PARD6B: variants seen among roughly 807,000 people sequenced by gnomAD.
PARD6B encodes the protein par-6 family cell polarity regulator beta.
A neutral mutation model predicts 10.5 loss-of-function variants in PARD6B; 4 were observed. That is an observed-to-expected ratio of 0.38 (90% CI 0.19 to 0.87). The LOEUF is 0.87. Among genes scored for constraint, PARD6B ranks in the 40% least tolerant of loss-of-function variants. The pLI, the probability that PARD6B is intolerant of heterozygous loss-of-function variation, is 0.41. For missense variants in PARD6B, 396 were observed against 470.6 expected (o/e 0.84, Z 1.47); for synonymous variants, 169 against 170.4 (o/e 0.99, Z 0.07).
chr20:50,753,559 T>C lies in PARD6B; in HGVS notation c.*3071T>C, dbSNP rs540237901. The C allele has an allele frequency of 6.8e-6, 6 of 877,342 alleles. No individual in the cohort carries two copies. The South Asian group carries it at 2.1e-4, about 31-fold the overall frequency. The allele number at this position is 877,342 out of a possible 1,614,324, so 54.3% of individuals were successfully genotyped here. ...AGCTATGAATTTTCTAATTAAATTT[T>C]ACATGCTATAACATGATTTTTACAT... is the stretch of plus-strand genomic sequence containing the variant. On this transcript the variant is annotated 3_prime_UTR_variant, in exon 3 of 3. Coordinates refer to ENST00000371610, the MANE Select transcript of PARD6B (RefSeq NM_032521.3).
chr20:50,739,444 A>T (rs985005244), intron 2 of PARD6B, among the ~76,000 whole-genome samples: 4 of 152,022 alleles, frequency 2.6e-5, no homozygotes, highest in South Asian at 2.1e-4. Flanking sequence ...CCTCAAAAAA[A>T]TTTTTTTGAA....
chr20:50,741,468 G>A (rs1015141286), intron 2 of PARD6B, among the ~76,000 whole-genome samples: 1 of 152,090 alleles, frequency 6.6e-6, no homozygotes, highest in Non-Finnish European at 1.5e-5. Context: ...TTAAGAATAT[G>A]TTAACTTGTT....
intron 2 of PARD6B, among the ~76,000 whole-genome samples, chr20:50,743,055 A>G (rs548281231): frequency 6.6e-6 from 1 of 152,300 alleles, no homozygotes; most frequent in Non-Finnish European, 1.5e-5. Flanking sequence ...TTCTGCTCTC[A>G]TTGTTGAGGT....
At chr20:50,738,200 T>G in intron 2 of PARD6B, 121 bp downstream of exon 2, 1 of 621,442 alleles carries the variant, frequency 1.6e-6, no homozygotes. Flanking sequence ...AATCTTCTTA[T>G]GTTAACTAAC....
chr20:50,751,182 T>C lies in PARD6B; in HGVS notation c.*694T>C. 1.3e-6 allele frequency: 1 copy of C among 798,710 alleles called. No individual in the cohort carries two copies. The highest frequency in any genetic ancestry group is 1.5e-6 in the Non-Finnish European group (1 of 660,718). 49.5% of individuals were successfully genotyped at this position (798,710 alleles called of 1,614,324 possible). A position where few individuals can be genotyped will look rare whatever the true frequency, so the allele number is the denominator to read the frequency against. The stretch of plus-strand genomic sequence containing the variant: ...ACAGGGTTTCGCCATGTTGCCCAAG[T>C]TGGTCTTGAACTCCTGGGCTTAAGC... On this transcript the variant is annotated 3_prime_UTR_variant, in exon 3 of 3. Coordinates refer to ENST00000371610, the MANE Select transcript of PARD6B (RefSeq NM_032521.3).
intron 2 of PARD6B, among the ~76,000 whole-genome samples, chr20:50,745,805 C>T (rs189049341): frequency 6.6e-6 from 1 of 152,266 alleles, no homozygotes; most frequent in African/African-American, 2.4e-5. Context: ...TCATGCCTGG[C>T]CACATAATAT....
intron 1 of PARD6B, among the ~76,000 whole-genome samples, chr20:50,734,062 C>G (rs114537881): frequency 6.6e-6 from 1 of 152,144 alleles, no homozygotes; most frequent in Admixed American, 6.5e-5. Context: ...TACACTGATT[C>G]TAGGAACATG....
At position 50,750,477 on chromosome 20, in the gene PARD6B, A is replaced by G. The variant is rs184193885; in HGVS notation, c.1108A>G (p.Ile370Val). Residue 370 changes from isoleucine to valine, a missense_variant, in exon 3 of 3, where the codon ATA becomes GTA. This residue lies in a region of PARD6B where 188 missense variants were observed against 169.7 expected (regional missense o/e 1.11). Coordinates refer to ENST00000371610, the MANE Select transcript of PARD6B (RefSeq NM_032521.3). ...ACTCTTAGAAGAAGATGGAACAATCATAACATTATGAAACCGTGGTTTGAA... is the reference window on the plus strand; with the variant it reads ...ACTCTTAGAAGAAGATGGAACAATCGTAACATTATGAAACCGTGGTTTGAA... ...QKLLEEDGTIITL is the reference protein window; with the variant it reads ...QKLLEEDGTIVTL 3.1e-6 allele frequency: 5 copies of G among 1,611,764 alleles called. No homozygotes were observed. The East Asian group carries it at 1.1e-4, about 36-fold the overall frequency.
intron 1 of PARD6B, among the ~76,000 whole-genome samples, chr20:50,734,342 A>G (rs1177631809): frequency 2.0e-5 from 3 of 151,980 alleles, no homozygotes; most frequent in African/African-American, 7.2e-5. Context: ...AAAACTAGGT[A>G]GTGTGCCGGT....
At position 50,750,440 on chromosome 20, in the gene PARD6B, T is replaced by C. The variant is rs1160147180; in HGVS notation, c.1071T>C (p.Ala357=). ...SSSNTEFETH[A]PDQKLLEEDG... is the part of the protein sequence containing the mutation. ...CAAACACGGAATTTGAAACACATGC[T>C]CCAGATCAAAAACTCTTAGAAGAAG... is the stretch of plus-strand genomic sequence containing the variant. Residue 357 remains alanine, a synonymous_variant, in exon 3 of 3, where the codon GCT becomes GCC. Coordinates refer to ENST00000371610, the MANE Select transcript of PARD6B (RefSeq NM_032521.3). The C allele has an allele frequency of 1.2e-6, 2 of 1,613,904 alleles. No individual in the cohort carries two copies. The highest frequency in any genetic ancestry group is 1.7e-6 in the Non-Finnish European group (2 of 1,180,010).
rs1568999536 is a variant in PARD6B at position 50,750,988 on chromosome 20, G to GTTTTTTTTTTTTTTTTTTTTT, written c.*501_*502insTTTTTTTTTTTTTTTTTTTTT. ...TTTTTTTTTTTTTTTTTTTTTTTTA[G>GTTTTTTTTTTTTTTTTTTTTT]TGACTGGGTCTCACTCTGTTGCCCA... On this transcript the variant is annotated 3_prime_UTR_variant, in exon 3 of 3. Coordinates refer to ENST00000371610, the MANE Select transcript of PARD6B (RefSeq NM_032521.3). 2 of 312,232 alleles carry GTTTTTTTTTTTTTTTTTTTTT rather than the reference G, an allele frequency of 6.4e-6. No individual in the cohort carries two copies. The highest frequency in any genetic ancestry group is 7.4e-6 in the Non-Finnish European group (2 of 271,004). The allele number at this position is 312,232 out of a possible 1,614,324, so 19.3% of individuals were successfully genotyped here. A position where few individuals can be genotyped will look rare whatever the true frequency, so the allele number is the denominator to read the frequency against.
chr20:50,738,086 A>G lies in PARD6B; in HGVS notation c.289+7A>G. The G allele has an allele frequency of 1.3e-6, 2 of 1,556,820 alleles. No individual in the cohort carries two copies. Among genetic ancestry groups the G allele is most frequent in the Non-Finnish European group, 1.7e-6 (2 of 1,147,248 alleles). On this transcript the variant is annotated splice_region_variant and intron_variant, in intron 2 of 2. Coordinates refer to ENST00000371610, the MANE Select transcript of PARD6B (RefSeq NM_032521.3). ...ATATTTATACAAAAGAAGGGTAAGT[A>G]TCACTGTTTAGAAAAATTGTGTTAG...
In PARD6B at chr20:50,741,788, C is replaced by T. The variant is rs186642327; in HGVS notation, c.289+3709C>T. ...GTCTCGATCTCCTGACTTCGTGATC[C>T]GCCCGTCTCGGCCTCCCAAAGTGCT... On this transcript the variant is annotated intron_variant, in intron 2 of 2. Transcript: ENST00000371610. 2.0e-3 allele frequency among the ~76,000 whole-genome samples: 297 copies of T among 152,142 alleles called. 4 individuals are homozygous for T. In the East Asian group the frequency reaches 0.023, roughly 12 times the overall value.
intron 2 of PARD6B, among the ~76,000 whole-genome samples, chr20:50,740,416 C>A (rs2087524775): frequency 6.6e-6 from 1 of 152,110 alleles, no homozygotes; most frequent in South Asian, 2.1e-4. Context: ...GTTGGATTAT[C>A]CCCTTTGGTA....
Position 50,752,378 on chromosome 20 carries a change from C to T in PARD6B, c.*1890C>T. 2 of 985,558 alleles carry T rather than the reference C, an allele frequency of 2.0e-6. No individual in the cohort carries two copies. Among genetic ancestry groups the T allele is most frequent in the Non-Finnish European group, 2.4e-6 (2 of 829,888 alleles). 61.1% of individuals were successfully genotyped at this position (985,558 alleles called of 1,614,324 possible). On this transcript the variant is annotated 3_prime_UTR_variant, in exon 3 of 3. Coordinates refer to ENST00000371610, the MANE Select transcript of PARD6B (RefSeq NM_032521.3). ...TTCCTTCATGGGATTTCTAGAAACACTGCCTACACTTTATGAAAACTACAT... is the reference window on the plus strand; with the variant it reads ...TTCCTTCATGGGATTTCTAGAAACATTGCCTACACTTTATGAAAACTACAT...
At chr20:50,746,670 G>C (rs1023776759) in intron 2 of PARD6B, among the ~76,000 whole-genome samples, 5 of 152,150 alleles carry the variant, frequency 3.3e-5, no homozygotes, top group African/African-American at 1.2e-4. Flanking sequence ...TTTGTACTGG[G>C]GCATATTGCT....
Position 50,749,686 on chromosome 20 carries a change from C to T in PARD6B, c.317C>T (p.Thr106Ile), listed in dbSNP as rs1308966745. The T allele has an allele frequency of 1.9e-6, 3 of 1,605,736 alleles. No homozygotes were observed. Among genetic ancestry groups the T allele is most frequent in the Non-Finnish European group, 2.5e-6 (3 of 1,177,552 alleles). Residue 106 changes from threonine to isoleucine, a missense_variant, in exon 3 of 3, where the codon ACA becomes ATA. This residue lies in a region of PARD6B where 208 missense variants were observed against 300.9 expected (regional missense o/e 0.69). Coordinates refer to ENST00000371610, the MANE Select transcript of PARD6B (RefSeq NM_032521.3). Reference sequence around the variant, plus strand: ...GAAGCAGACTACAGTGCCTTTGGTACAGACACGCTAATAAAGAAGAAGAAT... The same window carrying T: ...GAAGCAGACTACAGTGCCTTTGGTATAGACACGCTAATAAAGAAGAAGAAT... ...KEEADYSAFG[T>I]DTLIKKKNVL... is the part of the protein sequence containing the mutation.
At chr20:50,739,183 A>G (rs2087515978) in intron 2 of PARD6B, among the ~76,000 whole-genome samples, 1 of 152,042 alleles carries the variant, frequency 6.6e-6, no homozygotes, top group African/African-American at 2.4e-5. Flanking sequence ...TTGGTGGCTC[A>G]CGTGTGTAAT....
At chr20:50,733,826 A>C (rs2087485237) in intron 1 of PARD6B, among the ~76,000 whole-genome samples, 1 of 152,178 alleles carries the variant, frequency 6.6e-6, no homozygotes, top group African/African-American at 2.4e-5. Flanking sequence ...TTTTCCACAG[A>C]AAAAAATGAG....
Sources: gnomAD v4.1 joint callset for allele counts (sites outside exome capture counted in the v4.1 genomes callset) on GRCh38, gnomAD v4.1.1 for gene constraint, gnomAD v4.1.1 regional missense constraint, MANE v1.5 for transcripts, NCBI Gene and HGNC (gene_info 2026-07-23, HGNC 2026-07-21) for gene names.